Variants in SLC4A4 observed in about 807,000 individuals in gnomAD.
SLC4A4 encodes the protein electrogenic sodium bicarbonate cotransporter 1.
In SLC4A4, 27 loss-of-function variants were observed where a neutral mutation model predicts 111.5. The ratio of observed to expected loss-of-function variants is 0.24; its 90% CI spans 0.18 to 0.33. The LOEUF is 0.33. Ranked by LOEUF, SLC4A4 falls within the 10% of genes least tolerant of loss-of-function variation. SLC4A4 has a pLI of 1.00. For synonymous variants in SLC4A4, 443 were observed against 463.4 expected (o/e 0.96, Z 0.57); for missense variants, 909 against 1,315.5 (o/e 0.69, Z 4.78).
At chr4:71,278,078 T>C (rs1723217118) in intron 3 of SLC4A4, among the ~76,000 whole-genome samples, 1 of 152,170 alleles carries the variant, frequency 6.6e-6, no homozygotes, top group South Asian at 2.1e-4. Context: ...TTTGTATCCT[T>C]GGACCAACAT....
At chr4:71,535,519 T>C (rs192447124) in intron 18 of SLC4A4, among the ~76,000 whole-genome samples, 1 of 152,262 alleles carries the variant, frequency 6.6e-6, no homozygotes, top group South Asian at 2.1e-4. Flanking sequence ...AAGCTGAGAT[T>C]GATGAACTGG....
chr4:71,342,370 A>G (rs1300404107), intron 4 of SLC4A4, among the ~76,000 whole-genome samples: 1 of 152,126 alleles, frequency 6.6e-6, no homozygotes, highest in African/African-American at 2.4e-5. Context: ...CAGTGTGAGA[A>G]TTGTCCTGGT....
chr4:71,183,403 A>G (rs917362150), upstream of SLC4A4, among the ~76,000 whole-genome samples: 2 of 152,302 alleles, frequency 1.3e-5, no homozygotes, highest in African/African-American at 4.8e-5. Flanking sequence ...GTTCACCTTC[A>G]TTCTCTCCTC....
chr4:71,460,930 A>G (rs145858662), intron 12 of SLC4A4, among the ~76,000 whole-genome samples: 1 of 152,094 alleles, frequency 6.6e-6, no homozygotes, highest in Non-Finnish European at 1.5e-5. Flanking sequence ...TTTGCTTTAG[A>G]TACTTGAATC....
At chr4:71,182,483 G>A (rs1407978984), upstream of SLC4A4, among the ~76,000 whole-genome samples, 1 of 152,148 alleles carries the variant, frequency 6.6e-6, no homozygotes, top group African/African-American at 2.4e-5. Flanking sequence ...AACGGTAATA[G>A]GCCAGTTGGA....
intron 2 of SLC4A4, among the ~76,000 whole-genome samples, chr4:71,120,890 C>G (rs920766127): frequency 2.6e-5 from 4 of 152,202 alleles, no homozygotes; most frequent in African/African-American, 9.6e-5. Flanking sequence ...CTGGTCGAGG[C>G]CGGAGCCGGC....
At chr4:71,121,942 C>G (rs1182700352) in intron 2 of SLC4A4, among the ~76,000 whole-genome samples, 9 of 152,024 alleles carry the variant, frequency 5.9e-5, no homozygotes, top group Non-Finnish European at 1.5e-5. Flanking sequence ...ATGAACAACT[C>G]CGGACGGGAG....
chr4:71,421,330 A>G lies in SLC4A4; in HGVS notation c.808-19286A>G, dbSNP rs534166877. Among the ~76,000 whole-genome samples the G allele has an allele frequency of 7.9e-5, 12 of 152,330 alleles. No individual in the cohort carries two copies. In the South Asian group the frequency reaches 1.2e-3, roughly 16 times the overall value. ...ACCCAATACAGGAGCACCCAGATTC[A>G]TAAAGCAAGTCCTGAGTGACCTACA... On this transcript the variant is annotated intron_variant, in intron 7 of 25. Transcript: ENST00000264485.
Position 71,279,475 on chromosome 4 carries a change from T to C in SLC4A4, c.253+24076T>C, listed in dbSNP as rs531571289. On this transcript the variant is annotated intron_variant, in intron 3 of 25. Transcript: ENST00000264485. Reference sequence around the variant, plus strand: ...ATTGGATATTATATATCTATGTATGTATATATACATATATCCGTATATGTA... The same window carrying C: ...ATTGGATATTATATATCTATGTATGCATATATACATATATCCGTATATGTA... 3.9e-4 allele frequency among the ~76,000 whole-genome samples: 59 copies of C among 152,326 alleles called. No individual in the cohort carries two copies. The South Asian group carries it at 0.012, about 30-fold the overall frequency.
intron 12 of SLC4A4, among the ~76,000 whole-genome samples, chr4:71,460,855 G>T (rs1184415178): frequency 6.6e-6 from 1 of 151,956 alleles, no homozygotes; most frequent in Non-Finnish European, 1.5e-5. Flanking sequence ...TGTTTAGGGT[G>T]GAAATAAAGA....
intron 15 of SLC4A4, among the ~76,000 whole-genome samples, chr4:71,488,273 T>A (rs867720082): frequency 9.9e-5 from 15 of 151,558 alleles, no homozygotes; most frequent in Admixed American, 4.6e-4. Context: ...CTTAATTCTT[T>A]TTGTAACTAA....
intron 3 of SLC4A4, among the ~76,000 whole-genome samples, chr4:71,286,112 C>T (rs7663746): frequency 0.015 from 2,327 of 152,134 alleles, 19 homozygotes; most frequent in Middle Eastern, 0.02. Context: ...TGGTGGCGGG[C>T]GCCTATAGTC....
At chr4:71,485,553 A>G (rs977137717) in intron 14 of SLC4A4, among the ~76,000 whole-genome samples, 1 of 141,070 alleles carries the variant, frequency 7.1e-6, no homozygotes, top group Non-Finnish European at 1.6e-5. Flanking sequence ...GTGATCTGTA[A>G]TGAAACAGAA....
At chr4:71,150,048 A>G (rs1377601135) in intron 2 of SLC4A4, among the ~76,000 whole-genome samples, 1 of 152,112 alleles carries the variant, frequency 6.6e-6, no homozygotes, top group Non-Finnish European at 1.5e-5. Flanking sequence ...CCTGCTTATA[A>G]TTACTTATCT....
At chr4:71,464,226 G>A (rs776826574) in intron 12 of SLC4A4, among the ~76,000 whole-genome samples, 18 of 152,274 alleles carry the variant, frequency 1.2e-4, no homozygotes, top group Middle Eastern at 6.8e-3. Flanking sequence ...AAGTCTGGTT[G>A]GGCAAGTACA....
chr4:71,323,624 G>A (rs1416243704), intron 3 of SLC4A4, among the ~76,000 whole-genome samples: 2 of 151,978 alleles, frequency 1.3e-5, no homozygotes, highest in African/African-American at 4.8e-5. Context: ...TCTTTTTTGA[G>A]TCCTCACTTA....
intron 3 of SLC4A4, among the ~76,000 whole-genome samples, chr4:71,314,280 A>G (rs569471027): frequency 7.9e-5 from 12 of 152,232 alleles, no homozygotes; most frequent in African/African-American, 2.6e-4. Context: ...AACAGATGCT[A>G]ATGAGGATGT....
In SLC4A4 at chr4:71,472,962, C is replaced by G. The variant is rs181405193; in HGVS notation, c.1895C>G (p.Pro632Arg). 1 of 1,612,940 alleles carries G rather than the reference C, an allele frequency of 6.2e-7. No individual in the cohort carries two copies. Among genetic ancestry groups the G allele is most frequent in the African/African-American group, 1.3e-5 (1 of 74,926 alleles). ...NTLFSCTCVP[P>R]DPANISISND... ...CTCTTTTCCTGTACCTGTGTGCCACCTGACCCAGGTGAGGGCATTACGCTT... is the reference window on the plus strand; with the variant it reads ...CTCTTTTCCTGTACCTGTGTGCCACGTGACCCAGGTGAGGGCATTACGCTT... Residue 632 changes from proline (P) to arginine (R), a missense_variant, in exon 14 of 26, where the codon CCT (proline) becomes CGT (arginine). Around this residue, in one of 7 missense-constraint regions of SLC4A4, gnomAD observed 264 missense variants for 356.8 expected, o/e 0.74. Transcript: ENST00000264485.
At chr4:71,471,588 G>C (rs1727874259) in intron 13 of SLC4A4, among the ~76,000 whole-genome samples, 1 of 151,824 alleles carries the variant, frequency 6.6e-6, no homozygotes, top group Non-Finnish European at 1.5e-5. Context: ...CACAATCCTT[G>C]ACTTATTTCT....
Sources: allele counts gnomAD v4.1 joint callset (sites outside exome capture counted in the v4.1 genomes callset), GRCh38; gene constraint gnomAD v4.1.1; regional missense constraint gnomAD v4.1.1; transcripts MANE v1.5; gene names NCBI Gene and HGNC (gene_info 2026-07-23, HGNC 2026-07-21).